COLEC12: variants seen among roughly 807,000 people sequenced by gnomAD.
COLEC12 encodes collectin-12.
In COLEC12, 33 loss-of-function variants were observed where a neutral mutation model predicts 71.1. The observed-to-expected ratio is 0.46, with a 90% CI of 0.35 to 0.62. The LOEUF is 0.62. Ranked by LOEUF, COLEC12 falls within the 20% of genes least tolerant of loss-of-function variation. The probability of loss-of-function intolerance (pLI) is 0.00; values close to 1 mark genes in which losing one functional copy is unlikely to be tolerated. For missense variants in COLEC12, 765 were observed against 916.1 expected (o/e 0.84, Z 2.13); for synonymous variants, 350 against 353.0 (o/e 0.99, Z 0.10).
intron 2 of COLEC12, among the ~76,000 whole-genome samples, chr18:410,247 TA>T (rs1043502925): frequency 2.0e-5 from 3 of 152,122 alleles, no homozygotes; most frequent in Non-Finnish European, 4.4e-5. Context: ...CCAAGTCAAC[TA>T]AAAATGAAAG....
intron 1 of COLEC12, among the ~76,000 whole-genome samples, chr18:498,991 G>A (rs983985786): frequency 3.9e-5 from 6 of 152,118 alleles, no homozygotes; most frequent in African/African-American, 1.4e-4. Context: ...GTGGGTAGGT[G>A]GTTAATCTTC....
Position 363,296 on chromosome 18 carries a change from G to T in COLEC12, c.59-5774C>A, listed in dbSNP as rs146246971. ...CATGTATATCACTGAAGGTGGGCTT[G>T]TGTGTTAAAATGGATACATTGCAGA... On this transcript the variant is annotated intron_variant, in intron 2 of 9. Transcript: ENST00000400256. Among the ~76,000 whole-genome samples the T allele has an allele frequency of 5.7e-3, 874 of 152,282 alleles. 10 individuals are homozygous for T. Among genetic ancestry groups the T allele is most frequent in the African/African-American group, 0.02 (814 of 41,538 alleles).
intron 2 of COLEC12, among the ~76,000 whole-genome samples, chr18:370,212 G>C (rs1370320767): frequency 6.6e-6 from 1 of 152,168 alleles, no homozygotes; most frequent in East Asian, 1.9e-4. Context: ...AATGTGACCA[G>C]GAGCACACCA....
chr18:425,675 C>T (rs1486850900), intron 2 of COLEC12, among the ~76,000 whole-genome samples: 2 of 152,206 alleles, frequency 1.3e-5, no homozygotes, highest in East Asian at 3.8e-4. Context: ...ATTGCTGGCA[C>T]CACTAACCTC....
intron 8 of COLEC12, among the ~76,000 whole-genome samples, chr18:331,167 G>A (rs1362746915): frequency 1.3e-5 from 2 of 152,154 alleles, no homozygotes; most frequent in Non-Finnish European, 2.9e-5. Flanking sequence ...GGGATTACAG[G>A]CGTGAGCCAC....
chr18:414,620 A>AC (rs1161262862), intron 2 of COLEC12, among the ~76,000 whole-genome samples: 1 of 151,492 alleles, frequency 6.6e-6, no homozygotes, highest in African/African-American at 2.5e-5. Context: ...AAACAAACAA[A>AC]AAACAAAAAA....
At chr18:391,766 G>A (rs757969197) in intron 2 of COLEC12, among the ~76,000 whole-genome samples, 1 of 152,204 alleles carries the variant, frequency 6.6e-6, no homozygotes, top group Non-Finnish European at 1.5e-5. Context: ...TTGGCAGGAG[G>A]TGGCAATAGT....
chr18:470,500 G>C (rs1917174439), intron 2 of COLEC12, among the ~76,000 whole-genome samples: 1 of 151,916 alleles, frequency 6.6e-6, no homozygotes, highest in African/African-American at 2.4e-5. Flanking sequence ...CTCCCAAAGT[G>C]CTGGCATTAC....
intron 2 of COLEC12, among the ~76,000 whole-genome samples, chr18:431,442 C>G (rs1360093784): frequency 1.3e-5 from 2 of 152,158 alleles, no homozygotes; most frequent in African/African-American, 4.8e-5. Context: ...AGCACGTTGG[C>G]AGATGCCTGA....
At chr18:436,088 A>C (rs932948353) in intron 2 of COLEC12, among the ~76,000 whole-genome samples, 1 of 152,222 alleles carries the variant, frequency 6.6e-6, no homozygotes, top group Non-Finnish European at 1.5e-5. Context: ...GTTAGCCATC[A>C]ACTCTTTGCT....
chr18:437,541 G>A (rs1216615734), intron 2 of COLEC12, among the ~76,000 whole-genome samples: 2 of 152,002 alleles, frequency 1.3e-5, no homozygotes, highest in African/African-American at 4.8e-5. Flanking sequence ...ACAGAATGAC[G>A]AACTTGCAGT....
chr18:435,522 G>A (rs1413985715), intron 2 of COLEC12, among the ~76,000 whole-genome samples: 1 of 152,074 alleles, frequency 6.6e-6, no homozygotes, highest in Non-Finnish European at 1.5e-5. Context: ...TGACATGTGG[G>A]GATTATGGGG....
intron 1 of COLEC12, among the ~76,000 whole-genome samples, chr18:493,020 T>C (rs778968265): frequency 3.3e-5 from 5 of 152,084 alleles, no homozygotes; most frequent in East Asian, 1.9e-4. Context: ...CTGAGCAACA[T>C]AGCAAAACCC....
chr18:380,808 A>G (rs539095733), intron 2 of COLEC12, among the ~76,000 whole-genome samples: 3 of 152,162 alleles, frequency 2.0e-5, no homozygotes, highest in Non-Finnish European at 2.9e-5. Flanking sequence ...CACAGGCCTC[A>G]GCTTTCAACT....
At chr18:321,924 G>GA in intron 8 of COLEC12, 117 bp from the exon 9 acceptor site, 3 of 1,013,126 alleles carry the variant, frequency 3.0e-6, no homozygotes, top group Non-Finnish European at 2.9e-6. Context: ...ATCCTGGAAT[G>GA]AAAATGCAGT....
At chr18:326,187 T>G (rs1913838076) in intron 8 of COLEC12, among the ~76,000 whole-genome samples, 2 of 152,258 alleles carry the variant, frequency 1.3e-5, no homozygotes, top group South Asian at 4.1e-4. Flanking sequence ...TTCATCTTCT[T>G]TGAAACATTT....
chr18:466,968 C>T (rs1194173678), intron 2 of COLEC12, among the ~76,000 whole-genome samples: 1 of 152,094 alleles, frequency 6.6e-6, no homozygotes, highest in African/African-American at 2.4e-5. Flanking sequence ...CTTCAGCTCT[C>T]CTCAGCTGTG....
At chr18:361,980 C>T (rs1914753949) in intron 2 of COLEC12, among the ~76,000 whole-genome samples, 1 of 152,128 alleles carries the variant, frequency 6.6e-6, no homozygotes, top group African/African-American at 2.4e-5. Flanking sequence ...AATCTGGGAG[C>T]TAGAAGGTTG....
chr18:443,067 T>C (rs1010718517), intron 2 of COLEC12, among the ~76,000 whole-genome samples: 2 of 152,252 alleles, frequency 1.3e-5, no homozygotes, highest in Non-Finnish European at 2.9e-5. Flanking sequence ...GTCAAGACTG[T>C]CTTATATAGA....
Sources: gnomAD v4.1 joint callset for allele counts (sites outside exome capture counted in the v4.1 genomes callset) on GRCh38, gnomAD v4.1.1 for gene constraint, MANE v1.5 for transcripts, NCBI Gene and HGNC (gene_info 2026-07-23, HGNC 2026-07-21) for gene names.